The following KIAA0825 variants were observed in gnomAD, a reference collection of about 807,000 sequenced individuals.
The protein encoded by KIAA0825 is uncharacterized protein KIAA0825.
A neutral mutation model predicts 147.6 loss-of-function variants in KIAA0825; 119 were observed. The ratio of observed to expected loss-of-function variants is 0.81; its 90% CI spans 0.69 to 0.94. The LOEUF is 0.94. Among genes scored for constraint, KIAA0825 ranks in the 40% least tolerant of loss-of-function variants. KIAA0825 has a pLI of 0.00. For missense variants in KIAA0825, 1,381 were observed against 1,472.7 expected, an observed-to-expected ratio of 0.94 and a Z score of 1.02; for synonymous variants, 470 against 518.1, an observed-to-expected ratio of 0.91 and a Z score of 1.26.
rs142013294 is a variant in KIAA0825, at chr5:94,324,734, G to A, written c.3710+59634C>T. On this transcript the variant is annotated intron_variant, in intron 20 of 20. Transcript: ENST00000682413. The stretch of plus-strand genomic sequence containing the variant: ...CAAATTTTTTAAAAGATAATGAAAA[G>A]AAAATGAGACAAGGTCACAGCATTT... Among the ~76,000 whole-genome samples, 659 of 151,996 alleles carry A rather than the reference G, an allele frequency of 4.3e-3. 5 individuals carry two copies. Among genetic ancestry groups the A allele is most frequent in the African/African-American group, 0.015 (634 of 41,514 alleles).
chr5:94,470,026 A>G lies in KIAA0825; in HGVS notation c.1807T>C (p.Cys603Arg), dbSNP rs1411233925. ...FQVTNYCVRV[C>R]ATSILQDAES... is the part of the protein sequence containing the mutation. ...GCATCCTGTAAAATGCTTGTAGCAC[A>G]AACTCTGACGCAGTAGTTCGTAACC... Residue 603 changes from cysteine to arginine, a missense_variant, in exon 10 of 21, where the codon TGT becomes CGT. Physicochemically the swap from Cys to Arg is radical, Grantham distance 180. Coordinates refer to ENST00000682413, the MANE Select transcript of KIAA0825 (RefSeq NM_001145678.3). 1.3e-6 allele frequency: 2 copies of G among 1,551,678 alleles called. No individual in the cohort carries two copies. Among genetic ancestry groups the G allele is most frequent in the Non-Finnish European group, 1.7e-6 (2 of 1,146,988 alleles).
intron 11 of KIAA0825, among the ~76,000 whole-genome samples, chr5:94,464,525 C>A (rs1326675004): frequency 6.6e-6 from 1 of 152,144 alleles, no homozygotes; most frequent in Non-Finnish European, 1.5e-5. Context: ...TTGACTGCTC[C>A]ATCATGGCAT....
At chr5:94,528,998 G>A (rs530277786) in intron 3 of KIAA0825, among the ~76,000 whole-genome samples, 173 of 151,694 alleles carry the variant, frequency 1.1e-3, no homozygotes, top group Non-Finnish European at 1.7e-3. Context: ...GAGAATGTAC[G>A]TAATAATGGG....
At chr5:94,354,918 T>C (rs1784086509) in intron 20 of KIAA0825, among the ~76,000 whole-genome samples, 1 of 152,092 alleles carries the variant, frequency 6.6e-6, no homozygotes, top group Non-Finnish European at 1.5e-5. Flanking sequence ...CCCAAGGTGG[T>C]TGGGGTGCAG....
intron 20 of KIAA0825, among the ~76,000 whole-genome samples, chr5:94,230,580 C>T (rs998384944): frequency 1.3e-5 from 2 of 152,246 alleles, no homozygotes; most frequent in Non-Finnish European, 2.9e-5. Context: ...TTCATTTTGT[C>T]TTCATGGGTT....
intron 1 of KIAA0825, among the ~76,000 whole-genome samples, chr5:94,595,614 C>T (rs748733705): frequency 3.3e-5 from 5 of 152,190 alleles, no homozygotes; most frequent in South Asian, 4.1e-4. Flanking sequence ...TCGTTACTTA[C>T]GCAAATTTCG....
At chr5:94,489,505 A>G (rs551527197) in intron 5 of KIAA0825, among the ~76,000 whole-genome samples, 4 of 152,096 alleles carry the variant, frequency 2.6e-5, no homozygotes, top group African/African-American at 9.6e-5. Flanking sequence ...CTAAGCATCA[A>G]AAAAACTAGA....
chr5:94,154,159 C>G, intron 20 of KIAA0825, 35 bp from the exon 21 acceptor site: 1 of 1,343,622 alleles, frequency 7.4e-7, no homozygotes, highest in Non-Finnish European at 1.0e-6. Flanking sequence ...ATTTTTGTAA[C>G]TTTCAAACCA....
chr5:94,305,949 T>G (rs1464047011), intron 20 of KIAA0825, among the ~76,000 whole-genome samples: 1 of 151,860 alleles, frequency 6.6e-6, no homozygotes, highest in Non-Finnish European at 1.5e-5. Flanking sequence ...TATAGTACAC[T>G]TAAAACTTGT....
intron 20 of KIAA0825, among the ~76,000 whole-genome samples, chr5:94,334,118 G>A (rs1562387821): frequency 6.7e-6 from 1 of 150,016 alleles, no homozygotes; most frequent in African/African-American, 2.5e-5. Flanking sequence ...CTGATAAAGT[G>A]CATCTACAAA....
At chr5:94,264,297 G>GTT (rs1776641888) in intron 20 of KIAA0825, among the ~76,000 whole-genome samples, 1 of 152,186 alleles carries the variant, frequency 6.6e-6, no homozygotes. Flanking sequence ...GGTTGGTTCA[G>GTT]TGGCCAAACT....
intron 2 of KIAA0825, among the ~76,000 whole-genome samples, chr5:94,576,157 T>C (rs2152341611): frequency 6.6e-6 from 1 of 152,282 alleles, no homozygotes; most frequent in Admixed American, 6.5e-5. Context: ...ATGTAGCCAA[T>C]CATAACAAAG....
intron 1 of KIAA0825, among the ~76,000 whole-genome samples, chr5:94,615,375 A>G (rs1790162008): frequency 6.6e-6 from 1 of 152,226 alleles, no homozygotes. Flanking sequence ...CAGCTGAACC[A>G]GGATTAAAAA....
At chr5:94,402,816 A>C (rs1343349036) in intron 16 of KIAA0825, among the ~76,000 whole-genome samples, 1 of 151,058 alleles carries the variant, frequency 6.6e-6, no homozygotes, top group African/African-American at 2.5e-5. Context: ...AATATGAAAG[A>C]AAAAAGTTTT....
chr5:94,459,317 C>T (rs571722854), intron 12 of KIAA0825, among the ~76,000 whole-genome samples: 73 of 152,228 alleles, frequency 4.8e-4, no homozygotes, highest in Non-Finnish European at 9.1e-4. Context: ...CACTCCCACA[C>T]AAATTTTTGT....
At chr5:94,473,052 G>A (rs961510375) in intron 8 of KIAA0825, among the ~76,000 whole-genome samples, 20 of 152,128 alleles carry the variant, frequency 1.3e-4, no homozygotes, top group Non-Finnish European at 1.0e-4. Flanking sequence ...TCCCCATGAA[G>A]TCACAGAGGC....
intron 20 of KIAA0825, among the ~76,000 whole-genome samples, chr5:94,365,304 C>G (rs575973829): frequency 6.6e-6 from 1 of 152,192 alleles, no homozygotes; most frequent in South Asian, 2.1e-4. Context: ...ATTCCCTTGG[C>G]GTGAGACGGC....
chr5:94,192,304 C>G (rs1165824198), intron 20 of KIAA0825, among the ~76,000 whole-genome samples: 4 of 152,156 alleles, frequency 2.6e-5, no homozygotes, highest in Non-Finnish European at 5.9e-5. Flanking sequence ...TGGCTTCATT[C>G]ATGTAGTGCA....
intron 20 of KIAA0825, among the ~76,000 whole-genome samples, chr5:94,255,902 C>T (rs113363969): frequency 0.028 from 4,231 of 151,210 alleles, 122 homozygotes; most frequent in Non-Finnish European, 0.038. Context: ...TTTATAGAGA[C>T]GAGGTCTCAT....
Sources: gnomAD v4.1 joint callset for allele counts (sites outside exome capture counted in the v4.1 genomes callset) on GRCh38, gnomAD v4.1.1 for gene constraint, MANE v1.5 for transcripts, NCBI Gene and HGNC (gene_info 2026-07-23, HGNC 2026-07-21) for gene names.